OCA2: variants seen among roughly 807,000 people sequenced by gnomAD.
OCA2 encodes the protein OCA2 melanosomal transmembrane protein, also known as P protein.
OCA2 carries 77 observed loss-of-function variants against 100.2 expected under a neutral mutation model. That is an observed-to-expected ratio of 0.77 (90% CI 0.64 to 0.93). The LOEUF (loss-of-function observed/expected upper bound fraction) is 0.93, where lower values mean the gene tolerates loss of function less well. OCA2 is among the 40% of genes least tolerant of loss of function. The pLI, the probability that OCA2 is intolerant of heterozygous loss-of-function variation, is 0.00. For synonymous variants in OCA2, 432 were observed against 439.2 expected (o/e 0.98, Z 0.21); for missense variants, 1,062 against 1,089.1 (o/e 0.98, Z 0.35).
At chr15:27,946,826 T>A (rs541788079) in intron 18 of OCA2, among the ~76,000 whole-genome samples, 7 of 152,282 alleles carry the variant, frequency 4.6e-5, no homozygotes, top group South Asian at 2.1e-4. Context: ...AAATCTAAAG[T>A]GTTATTCTCA....
At chr15:27,959,463 C>T (rs144823150) in intron 15 of OCA2, among the ~76,000 whole-genome samples, 3 of 152,334 alleles carry the variant, frequency 2.0e-5, no homozygotes, top group Non-Finnish European at 2.9e-5. Context: ...TAAGTTCAGA[C>T]AGAGCCAGTA....
chr15:27,940,894 ATTC>A (rs1271971345), intron 18 of OCA2, among the ~76,000 whole-genome samples: 1 of 152,218 alleles, frequency 6.6e-6, no homozygotes, highest in Admixed American at 6.5e-5. Flanking sequence ...ATTTATTTAA[ATTC>A]TTCTTCAGAT....
intron 21 of OCA2, among the ~76,000 whole-genome samples, chr15:27,859,348 C>A (rs1225113578): frequency 6.6e-6 from 1 of 151,992 alleles, no homozygotes; most frequent in Non-Finnish European, 1.5e-5. Flanking sequence ...ACATTATTAC[C>A]AATCTTACAG....
chr15:28,042,038 G>A (rs1277747986), intron 2 of OCA2, among the ~76,000 whole-genome samples: 1 of 152,152 alleles, frequency 6.6e-6, no homozygotes, highest in African/African-American at 2.4e-5. Flanking sequence ...ACAATTGGTT[G>A]GTGAGCATAC....
At position 28,014,878 on chromosome 15, in the gene OCA2, GA is replaced by G. The variant is rs768845711; in HGVS notation, c.941del (p.Val314AlafsTer4). 1 of 1,614,164 alleles carries G rather than the reference GA, an allele frequency of 6.2e-7. No individual in the cohort carries two copies. Among genetic ancestry groups the G allele is most frequent in the Non-Finnish European group, 8.5e-7 (1 of 1,180,022 alleles). ...GGTACTGATGAGCCATCAAAAGAGG[GA>G]CAGCCTGGGTCTGCTGCAGGGAGGC... is the stretch of plus-strand genomic sequence containing the variant. ...IRASLQQTQA[V>X]PLLMAHQYLR... On this transcript the variant is annotated frameshift_variant, in exon 9 of 24. Transcript: ENST00000354638. LOFTEE classifies it high-confidence loss of function.
intron 3 of OCA2, among the ~76,000 whole-genome samples, chr15:28,031,096 G>A (rs1262842796): frequency 6.6e-6 from 1 of 152,070 alleles, no homozygotes; most frequent in African/African-American, 2.4e-5. Flanking sequence ...TGGGGGAGGG[G>A]GGAAGCTGTA....
intron 16 of OCA2, among the ~76,000 whole-genome samples, chr15:27,956,722 G>A (rs530916049): frequency 3.9e-5 from 6 of 152,310 alleles, no homozygotes; most frequent in Non-Finnish European, 8.8e-5. Flanking sequence ...GCATTACTGG[G>A]CGAGATGGGT....
At chr15:28,087,182 G>A (rs901647607) in intron 1 of OCA2, among the ~76,000 whole-genome samples, 2 of 152,038 alleles carry the variant, frequency 1.3e-5, no homozygotes, top group African/African-American at 2.4e-5. Flanking sequence ...GTCTTAAAGA[G>A]AGAAATTAAA....
intron 6 of OCA2, among the ~76,000 whole-genome samples, chr15:28,020,029 C>T (rs1052320571): frequency 6.6e-6 from 1 of 152,178 alleles, no homozygotes; most frequent in South Asian, 2.1e-4. Context: ...ACCCGTCTTC[C>T]CCCCTGCGGC....
chr15:28,025,081 C>T (rs1373016747), intron 4 of OCA2, among the ~76,000 whole-genome samples, 179 bp from the exon 5 acceptor site: 2 of 152,164 alleles, frequency 1.3e-5, no homozygotes, highest in African/African-American at 4.8e-5. Context: ...ACAGCCCCAT[C>T]CAAAGGAGCA....
At chr15:27,971,173 T>C (rs548129733) in intron 14 of OCA2, among the ~76,000 whole-genome samples, 1 of 150,688 alleles carries the variant, frequency 6.6e-6, no homozygotes, top group South Asian at 2.1e-4. Flanking sequence ...CCAGCACGCA[T>C]GGCATGGTGG....
intron 22 of OCA2, among the ~76,000 whole-genome samples, chr15:27,849,392 C>T (rs1217471745): frequency 6.6e-6 from 1 of 152,230 alleles, no homozygotes; most frequent in Non-Finnish European, 1.5e-5. Flanking sequence ...TAGGATTGCA[C>T]CTGCCAGTAA....
rs181673842 is a variant in OCA2 at position 28,017,097 on chromosome 15, C to T, written c.808-911G>A. ...GGGGGGGACCCTCAATGGGAAGATG[C>T]GAATCTCGCCCACAAATCACAAAGG... On this transcript the variant is annotated intron_variant, in intron 7 of 23. Transcript: ENST00000354638. 2.1e-3 allele frequency among the ~76,000 whole-genome samples: 314 copies of T among 151,848 alleles called. 4 individuals carry two copies. The highest frequency in any genetic ancestry group is 7.3e-3 in the African/African-American group (303 of 41,420).
intron 21 of OCA2, among the ~76,000 whole-genome samples, chr15:27,856,578 T>C (rs1478909235): frequency 6.6e-6 from 1 of 152,094 alleles, no homozygotes; most frequent in Non-Finnish European, 1.5e-5. Context: ...GGCCACTGTT[T>C]TGATCACTGA....
At chr15:27,896,396 G>C in intron 19 of OCA2, 1 of 728,834 alleles carries the variant, frequency 1.4e-6, no homozygotes, top group Non-Finnish European at 2.5e-6. Flanking sequence ...CTCCAGACAT[G>C]ATGGAGGAGA....
intron 23 of OCA2, among the ~76,000 whole-genome samples, chr15:27,825,996 T>C (rs1194908474): frequency 1.3e-5 from 2 of 152,328 alleles, no homozygotes; most frequent in South Asian, 2.1e-4. Flanking sequence ...GACTATTGAC[T>C]GGGTGTGAGA....
At chr15:27,870,664 AAAGGAAGGAAGGAAGGAAAGAAGG>A (rs1205583987) in intron 21 of OCA2, among the ~76,000 whole-genome samples, 7 of 122,390 alleles carry the variant, frequency 5.7e-5, no homozygotes, top group Non-Finnish European at 1.1e-4. Context: ...ACAATTTTCG[AAAGGAAGGAAGGAAGGAAAGAAGG>A]AAGGAAGGAA....
chr15:27,985,032 C>T (rs1248132200), intron 13 of OCA2, 32 bp downstream of exon 13: 8 of 1,613,002 alleles, frequency 5.0e-6, no homozygotes, highest in African/African-American at 1.3e-5. Flanking sequence ...AGAACCTGGC[C>T]GCAACTCCCA....
chr15:27,857,261 C>T (rs768497675), intron 21 of OCA2, among the ~76,000 whole-genome samples: 1 of 152,164 alleles, frequency 6.6e-6, no homozygotes, highest in African/African-American at 2.4e-5. Context: ...AACCTCACTA[C>T]AAGAGTTCAA....
Sources: allele counts gnomAD v4.1 joint callset (sites outside exome capture counted in the v4.1 genomes callset), GRCh38; gene constraint gnomAD v4.1.1; transcripts MANE v1.5; gene names NCBI Gene and HGNC (gene_info 2026-07-23, HGNC 2026-07-21).